The following AHCY variants were observed in gnomAD, a reference collection of about 807,000 sequenced individuals.
AHCY encodes the protein adenosylhomocysteinase, also known as S-adenosyl-L-homocysteine hydrolase.
In AHCY, 24 loss-of-function variants were observed where a neutral mutation model predicts 45.4. The ratio of observed to expected loss-of-function variants is 0.53; its 90% confidence interval spans 0.38 to 0.74. The LOEUF (loss-of-function observed/expected upper bound fraction) is 0.74, where lower values mean the gene tolerates loss of function less well. Among genes scored for constraint, AHCY ranks in the 30% least tolerant of loss-of-function variants. The probability of loss-of-function intolerance (pLI) is 0.00; values close to 1 mark genes in which losing one functional copy is unlikely to be tolerated. For synonymous variants in AHCY, 245 were observed against 235.1 expected, an observed-to-expected ratio of 1.04 and a Z score of -0.39; for missense variants, 449 against 594.1, an observed-to-expected ratio of 0.76 and a Z score of 2.54.
chr20:34,294,887 A>T (rs2122780666), intron 2 of AHCY, among the ~76,000 whole-genome samples: 1 of 152,156 alleles, frequency 6.6e-6, no homozygotes, highest in South Asian at 2.1e-4. Flanking sequence ...AGGTCCAAGG[A>T]CTCAGCCCTG....
chr20:34,287,709 G>A (rs1446230240), intron 8 of AHCY, among the ~76,000 whole-genome samples: 1 of 152,076 alleles, frequency 6.6e-6, no homozygotes, highest in Non-Finnish European at 1.5e-5. Flanking sequence ...GGTCTCTTGA[G>A]CTGGGCTGAG....
intron 1 of AHCY, among the ~76,000 whole-genome samples, chr20:34,299,926 T>C (rs766162517): frequency 2.6e-5 from 4 of 152,210 alleles, no homozygotes; most frequent in Non-Finnish European, 5.9e-5. Flanking sequence ...GCTCACAGCC[T>C]GTAATCCCAG....
chr20:34,259,528 A>C, the AHCY span, among the ~76,000 whole-genome samples: 2 of 151,908 alleles, frequency 1.3e-5, no homozygotes, highest in Admixed American at 6.6e-5. Flanking sequence ...AAATAAAAAG[A>C]GTTAGAAAAT....
At chr20:34,308,655 A>T (rs2036918360) in intron 1 of AHCY, among the ~76,000 whole-genome samples, 1 of 142,530 alleles carries the variant, frequency 7.0e-6, no homozygotes, top group Non-Finnish European at 1.5e-5. Flanking sequence ...TAATTTGGCA[A>T]TTTTTTTTTT....
intron 1 of AHCY, among the ~76,000 whole-genome samples, chr20:34,298,427 G>A (rs555495467): frequency 5.3e-5 from 8 of 152,208 alleles, no homozygotes; most frequent in African/African-American, 1.9e-4. Flanking sequence ...GGTGTGACCA[G>A]AAGACAAGAG....
At chr20:34,247,386 C>T in the AHCY span, among the ~76,000 whole-genome samples, 3 of 150,182 alleles carry the variant, frequency 2.0e-5, no homozygotes, top group South Asian at 6.4e-4. Context: ...CTGCAACCTC[C>T]GCCTCCCGGG....
At chr20:34,305,256 C>T (rs1236044275), upstream of AHCY, among the ~76,000 whole-genome samples, 2 of 151,668 alleles carry the variant, frequency 1.3e-5, no homozygotes, top group Non-Finnish European at 2.9e-5. Flanking sequence ...CCCGGGAGGC[C>T]GAGCTTGCAG....
the AHCY span, among the ~76,000 whole-genome samples, chr20:34,235,190 C>T: frequency 6.6e-6 from 1 of 152,188 alleles, no homozygotes; most frequent in Admixed American, 6.5e-5. Flanking sequence ...GCCTGTAATC[C>T]CAGCACTTTG....
intron 9 of AHCY, chr20:34,281,842 G>A (rs2036014494): frequency 1.3e-5 from 2 of 157,994 alleles, no homozygotes; most frequent in African/African-American, 4.8e-5. Flanking sequence ...CTAACTTTCT[G>A]TTTTTAGTAG....
chr20:34,307,810 T>C (rs2036911257), upstream of AHCY, among the ~76,000 whole-genome samples: 1 of 152,220 alleles, frequency 6.6e-6, no homozygotes, highest in African/African-American at 2.4e-5. Flanking sequence ...TTTTTAACTT[T>C]TATTTTAGTT....
chr20:34,290,732 C>T lies in AHCY; in HGVS notation c.765G>A (p.Glu255=), dbSNP rs1291158891. 6.2e-7 allele frequency: 1 copy of T among 1,613,754 alleles called. No individual in the cohort carries two copies. The highest frequency in any genetic ancestry group is 8.5e-7 in the Non-Finnish European group (1 of 1,180,016). The change falls in exon 6 of 10, where the codon GAG becomes GAA. Residue 255 remains glutamate (E), a splice_region_variant and synonymous_variant. Transcript: ENST00000217426. This position sits in a 1 kb window ranked among gnomAD's most constrained non-coding sequence, Gnocchi z 4.5. The part of the protein sequence containing the change: ...DPINALQAAM[E]GYEVTTMDEA... Reference sequence around the variant, plus strand: ...CAACCAACCCTTGCCCTATCCTACCCTCCATGGCAGCCTGCAGTGCGTTGA... The same window carrying T: ...CAACCAACCCTTGCCCTATCCTACCTTCCATGGCAGCCTGCAGTGCGTTGA...
chr20:34,293,390 CT>C (rs1461243334), intron 3 of AHCY: 1 of 158,204 alleles, frequency 6.3e-6, no homozygotes, highest in Admixed American at 6.0e-5. Flanking sequence ...AGACAATAGT[CT>C]TAAGAATTGC....
rs2036496819 is a variant in AHCY, at chr20:34,294,161, A to G, written c.220-5T>C. ...GTTGCAGCTGGACCACTGCACCTAG[A>G]AGAGCCATCAAAACAAGGCTGTTGG... On this transcript the variant is annotated splice_region_variant and splice_polypyrimidine_tract_variant and intron_variant, in intron 2 of 9. Coordinates refer to ENST00000217426, the MANE Select transcript of AHCY (RefSeq NM_000687.4). 1.2e-6 allele frequency: 2 copies of G among 1,612,538 alleles called. No individual in the cohort carries two copies. The highest frequency in any genetic ancestry group is 2.7e-5 in the African/African-American group (2 of 74,894).
chr20:34,254,408 T>G, the AHCY span, among the ~76,000 whole-genome samples: 1 of 152,210 alleles, frequency 6.6e-6, no homozygotes, highest in Non-Finnish European at 1.5e-5. Context: ...GTTTCTCTAA[T>G]GAGTAATAAC....
In AHCY at chr20:34,295,578, G is replaced by C. The variant is rs78150651; in HGVS notation, c.36C>G (p.Ile12Met). Reference sequence around the variant, plus strand: ...CCTTGCGTCCCCAGGCAGCCAGGCCGATGTCGGCTACGGGAGGAAACAGGT... The same window carrying C: ...CCTTGCGTCCCCAGGCAGCCAGGCCCATGTCGGCTACGGGAGGAAACAGGT... Reference protein sequence around the residue: ...SDKLPYKVADIGLAAWGRKAL... With the variant: ...SDKLPYKVADMGLAAWGRKAL... Residue 12 changes from isoleucine to methionine, a missense_variant, in exon 2 of 10, where the codon ATC (isoleucine) becomes ATG (methionine). Ile to Met is a conservative substitution (Grantham distance 10). Coordinates refer to ENST00000217426, the MANE Select transcript of AHCY (RefSeq NM_000687.4). 3.7e-6 allele frequency: 6 copies of C among 1,613,914 alleles called. No homozygotes were observed. In the South Asian group the frequency reaches 4.4e-5, roughly 12 times the overall value.
At chr20:34,260,634 C>G in the AHCY span, 1 of 1,282,746 alleles carries the variant, frequency 7.8e-7, no homozygotes, top group Non-Finnish European at 1.1e-6. Context: ...ATGGTCACGG[C>G]TCCTTCTTGC....
the AHCY span, among the ~76,000 whole-genome samples, chr20:34,264,181 A>T: frequency 6.6e-6 from 1 of 152,360 alleles, no homozygotes; most frequent in South Asian, 2.1e-4. Flanking sequence ...ATGTACACAC[A>T]GACAGTACAT....
chr20:34,236,162 G>A, the AHCY span, among the ~76,000 whole-genome samples: 2 of 147,860 alleles, frequency 1.4e-5, no homozygotes, highest in Non-Finnish European at 1.5e-5. Context: ...AGGGAGGGAG[G>A]GAAAAGAAAG....
At chr20:34,263,704 C>T in the AHCY span, among the ~76,000 whole-genome samples, 1 of 146,278 alleles carries the variant, frequency 6.8e-6, no homozygotes, top group Non-Finnish European at 1.5e-5. Context: ...TTTTCGCTCT[C>T]GTTGCCCAGG....
Sources: gnomAD v4.1 joint callset for allele counts (sites outside exome capture counted in the v4.1 genomes callset) on GRCh38, gnomAD v4.1.1 for gene constraint, Gnocchi (gnomAD v3.1) non-coding constraint, MANE v1.5 for transcripts, NCBI Gene and HGNC (gene_info 2026-07-23, HGNC 2026-07-21) for gene names.